The following PRKN variants were observed in gnomAD, a reference collection of about 807,000 sequenced individuals.
The protein encoded by PRKN is E3 ubiquitin-protein ligase parkin.
A neutral mutation model predicts 59.5 loss-of-function variants in PRKN; 56 were observed. That is an observed-to-expected ratio of 0.94 (90% confidence interval 0.76 to 1.18). The LOEUF is 1.18. Ranked by LOEUF, PRKN falls within the 50% of genes most tolerant of loss-of-function variation. The pLI is 0.00. For synonymous variants in PRKN, 250 were observed against 222.1 expected (o/e 1.13, Z -1.12); for missense variants, 657 against 596.4 (o/e 1.10, Z -1.06).
chr6:161,767,524 A>C (rs1183455116), intron 7 of PRKN, among the ~76,000 whole-genome samples: 3 of 152,006 alleles, frequency 2.0e-5, no homozygotes, highest in South Asian at 2.1e-4. Context: ...CTCAAAAAAA[A>C]AAAAACAAAA....
chr6:162,250,767 G>A (rs1779401346), intron 3 of PRKN, among the ~76,000 whole-genome samples: 1 of 151,954 alleles, frequency 6.6e-6, no homozygotes, highest in Non-Finnish European at 1.5e-5. Context: ...CAACTACTAG[G>A]GCTATTTGGT....
chr6:161,737,605 A>C (rs1308777585), intron 7 of PRKN, among the ~76,000 whole-genome samples: 1 of 152,194 alleles, frequency 6.6e-6, no homozygotes, highest in African/African-American at 2.4e-5. Context: ...AACCCTTTGA[A>C]GTAGGCTCTG....
intron 2 of PRKN, among the ~76,000 whole-genome samples, chr6:162,387,122 C>T (rs1786869832): frequency 6.7e-6 from 1 of 149,658 alleles, no homozygotes; most frequent in African/African-American, 2.5e-5. Context: ...ACAAAATATG[C>T]TAATAGAATT....
At chr6:161,971,991 G>C (rs1317027481) in intron 6 of PRKN, among the ~76,000 whole-genome samples, 2 of 152,026 alleles carry the variant, frequency 1.3e-5, no homozygotes, top group African/African-American at 4.8e-5. Context: ...AGTTCTTTCT[G>C]GGCTGGGTGC....
intron 9 of PRKN, among the ~76,000 whole-genome samples, chr6:161,528,757 G>A (rs1433499324): frequency 6.6e-6 from 1 of 152,182 alleles, no homozygotes; most frequent in Non-Finnish European, 1.5e-5. Flanking sequence ...ATTAAACACT[G>A]CCTCAGGAGA....
At chr6:161,595,628 A>G (rs549245267) in intron 7 of PRKN, among the ~76,000 whole-genome samples, 1 of 152,256 alleles carries the variant, frequency 6.6e-6, no homozygotes, top group South Asian at 2.1e-4. Flanking sequence ...TCATGTCAAG[A>G]GCTAGGCCTG....
rs1225362601 is a variant in PRKN, at chr6:161,573,755, AATATATATATATATATATATATAT to A, written c.872-4363_872-4340del. On this transcript the variant is annotated intron_variant, in intron 7 of 11. Transcript: ENST00000366898. ...AAAAAAAAAAAAAAAAAAAAAAAAA[AATATATATATATATATATATATAT>A]ATATATATATATATATAAAACTTCA... is the stretch of plus-strand genomic sequence containing the variant. 3.9e-3 allele frequency among the ~76,000 whole-genome samples: 119 copies of A among 30,352 alleles called. 4 individuals carry two copies. The highest frequency in any genetic ancestry group is 0.033 in the South Asian group (14 of 424). The allele number at this position is 30,352 out of a possible 152,430, so 19.9% of individuals were successfully genotyped here.
rs778338575 is a variant in PRKN at position 161,442,933 on chromosome 6, C to A, written c.1084-56056G>T. Among the ~76,000 whole-genome samples the A allele has an allele frequency of 9.9e-5, 15 of 152,204 alleles. No homozygotes were observed. The highest frequency in any genetic ancestry group is 1.6e-4 in the Non-Finnish European group (11 of 68,052). On this transcript the variant is annotated intron_variant, in intron 9 of 11. Coordinates refer to ENST00000366898, the MANE Select transcript of PRKN (RefSeq NM_004562.3). The surrounding 1 kb of genome is among the most constrained non-coding windows in gnomAD (Gnocchi z 4.6). ...CGCTGCTCCTCAGGCAAGCCATTCT[C>A]CCCAGTGCACAGATGAGGAAATCGG... is the stretch of plus-strand genomic sequence containing the variant.
intron 4 of PRKN, among the ~76,000 whole-genome samples, chr6:162,104,042 G>A (rs1471820113): frequency 1.3e-5 from 2 of 152,194 alleles, no homozygotes; most frequent in Non-Finnish European, 2.9e-5. Context: ...CAAAGGAGAG[G>A]CCTTCTGCAG....
At chr6:162,697,138 A>G (rs916294403) in intron 1 of PRKN, among the ~76,000 whole-genome samples, 18 of 152,160 alleles carry the variant, frequency 1.2e-4, no homozygotes, top group Admixed American at 3.9e-4. Context: ...GATATAGATG[A>G]AAAAGGTCAC....
chr6:162,535,384 T>A (rs1476298460), intron 1 of PRKN, among the ~76,000 whole-genome samples: 1 of 152,082 alleles, frequency 6.6e-6, no homozygotes, highest in Non-Finnish European at 1.5e-5. Context: ...AATGTCTTTC[T>A]TCATCATATA....
chr6:161,742,075 T>G (rs1788213836), intron 7 of PRKN, among the ~76,000 whole-genome samples: 1 of 152,166 alleles, frequency 6.6e-6, no homozygotes, highest in Admixed American at 6.5e-5. Flanking sequence ...GCTCAAGTGA[T>G]TCTCCTGCCT....
chr6:162,030,253 G>C (rs948776215), intron 5 of PRKN, among the ~76,000 whole-genome samples: 5 of 152,088 alleles, frequency 3.3e-5, no homozygotes, highest in African/African-American at 1.2e-4. Flanking sequence ...CCCACTCCTT[G>C]ACAAATGATG....
At chr6:161,556,540 C>A (rs1780245574) in intron 8 of PRKN, among the ~76,000 whole-genome samples, 1 of 152,124 alleles carries the variant, frequency 6.6e-6, no homozygotes, top group Admixed American at 6.5e-5. Flanking sequence ...CATTTACTGG[C>A]ACGAAGTTGA....
chr6:162,213,486 G>C (rs1040272738), intron 3 of PRKN, among the ~76,000 whole-genome samples: 1 of 152,156 alleles, frequency 6.6e-6, no homozygotes, highest in Non-Finnish European at 1.5e-5. Context: ...CCAGCAGTTT[G>C]GGAGGCTGAG....
intron 1 of PRKN, among the ~76,000 whole-genome samples, chr6:162,679,816 T>C (rs548310797): frequency 3.2e-4 from 49 of 152,220 alleles, no homozygotes; most frequent in African/African-American, 8.9e-4. Flanking sequence ...GGGTGCCCTC[T>C]CTATTTTGCC....
intron 5 of PRKN, among the ~76,000 whole-genome samples, chr6:162,021,202 TATA>T (rs1158460800): frequency 3.5e-5 from 5 of 141,322 alleles, no homozygotes; most frequent in African/African-American, 1.0e-4. Flanking sequence ...ATATAATATA[TATA>T]ATATATAACA....
intron 7 of PRKN, among the ~76,000 whole-genome samples, chr6:161,571,392 T>C (rs934769857): frequency 6.6e-6 from 1 of 152,246 alleles, no homozygotes; most frequent in Non-Finnish European, 1.5e-5. Flanking sequence ...GAGCCATTTC[T>C]CATATTCCTC....
At chr6:162,475,332 C>A (rs1791950256) in intron 1 of PRKN, among the ~76,000 whole-genome samples, 1 of 152,100 alleles carries the variant, frequency 6.6e-6, no homozygotes, top group South Asian at 2.1e-4. Context: ...GTGTTGTGGG[C>A]CAAAAGCCAC....
Sources: allele counts gnomAD v4.1 joint callset (sites outside exome capture counted in the v4.1 genomes callset), GRCh38; gene constraint gnomAD v4.1.1; non-coding constraint Gnocchi (gnomAD v3.1); transcripts MANE v1.5; gene names NCBI Gene and HGNC (gene_info 2026-07-23, HGNC 2026-07-21).